Variants in CDK14 observed in about 807,000 individuals in gnomAD.
CDK14 encodes the protein cyclin dependent kinase 14, also known as cyclin-dependent kinase 14.
Under a neutral mutation model 60.7 loss-of-function variants are expected in CDK14, and 34 were observed. The observed-to-expected ratio is 0.56, with a 90% CI of 0.43 to 0.75. The LOEUF (loss-of-function observed/expected upper bound fraction) is 0.75, where lower values mean the gene tolerates loss of function less well. CDK14 is among the 30% of genes least tolerant of loss of function. The probability of loss-of-function intolerance (pLI) is 0.00; values close to 1 mark genes in which losing one functional copy is unlikely to be tolerated. For missense variants in CDK14, 482 were observed against 564.1 expected (o/e 0.85, Z 1.47); for synonymous variants, 197 against 203.7 (o/e 0.97, Z 0.28).
chr7:90,634,138 TTTAA>T (rs1800073812), intron 2 of CDK14, among the ~76,000 whole-genome samples: 1 of 152,128 alleles, frequency 6.6e-6, no homozygotes, highest in Admixed American at 6.6e-5. Context: ...TTTTCTTTTT[TTTAA>T]TTATTATTAT....
chr7:90,697,328 C>A (rs963073473), intron 2 of CDK14, among the ~76,000 whole-genome samples: 1 of 151,988 alleles, frequency 6.6e-6, no homozygotes, highest in Non-Finnish European at 1.5e-5. Flanking sequence ...TGTCATTGAA[C>A]GAGATAGCAC....
intron 2 of CDK14, among the ~76,000 whole-genome samples, chr7:90,715,269 C>T (rs1584814602): frequency 6.6e-6 from 1 of 151,988 alleles, no homozygotes; most frequent in African/African-American, 2.4e-5. Context: ...GTCTTTTGCA[C>T]GGCCTTTGAG....
At chr7:90,971,000 T>C (rs893327119) in intron 9 of CDK14, among the ~76,000 whole-genome samples, 3 of 152,168 alleles carry the variant, frequency 2.0e-5, no homozygotes, top group African/African-American at 7.2e-5. Context: ...TACATATGTA[T>C]ACATGTGCCA....
chr7:90,776,220 G>A lies in CDK14; in HGVS notation c.465-14353G>A, dbSNP rs1190191529. Among the ~76,000 whole-genome samples, 4 of 152,050 alleles carry A rather than the reference G, an allele frequency of 2.6e-5. No homozygotes were observed. The East Asian group carries it at 7.7e-4, about 29-fold the overall frequency. On this transcript the variant is annotated intron_variant, in intron 4 of 14. Coordinates refer to ENST00000380050, the MANE Select transcript of CDK14 (RefSeq NM_001287135.2). ...TCCTTGATAACTTTGCCTTACTTTT[G>A]TTTAGAATTTTTCCTTCTTTCATCA...
chr7:90,837,801 T>C (rs1370148748), intron 5 of CDK14, among the ~76,000 whole-genome samples: 1 of 152,174 alleles, frequency 6.6e-6, no homozygotes, highest in African/African-American at 2.4e-5. Flanking sequence ...GCACCATCTC[T>C]GGTGTGAGGG....
chr7:90,867,498 T>G (rs557823427), intron 6 of CDK14, among the ~76,000 whole-genome samples: 8 of 152,346 alleles, frequency 5.3e-5, no homozygotes, highest in Admixed American at 2.6e-4. Context: ...GCCATTAAGC[T>G]AATAACTGTT....
intron 5 of CDK14, among the ~76,000 whole-genome samples, chr7:90,835,318 C>G (rs764420150): frequency 2.0e-5 from 3 of 151,824 alleles, no homozygotes; most frequent in African/African-American, 7.3e-5. Flanking sequence ...GAGTGGAGAA[C>G]TTGAAGTCAA....
At chr7:91,179,010 C>G (rs1224180841) in intron 14 of CDK14, among the ~76,000 whole-genome samples, 1 of 152,174 alleles carries the variant, frequency 6.6e-6, no homozygotes, top group African/African-American at 2.4e-5. Context: ...ATGCACACAT[C>G]TGTTTATTGC....
chr7:91,135,729 T>C (rs967227490), intron 14 of CDK14, among the ~76,000 whole-genome samples: 4 of 152,178 alleles, frequency 2.6e-5, no homozygotes, highest in African/African-American at 4.8e-5. Context: ...CACTATTGTC[T>C]GTTTGAAGAT....
At chr7:90,657,690 C>A (rs1236722807) in intron 2 of CDK14, among the ~76,000 whole-genome samples, 5 of 152,182 alleles carry the variant, frequency 3.3e-5, no homozygotes, top group Non-Finnish European at 7.3e-5. Flanking sequence ...TTGGACAGCA[C>A]AGCTCAAGTG....
At chr7:90,709,910 T>C (rs1802000005) in intron 2 of CDK14, 1 of 1,218,532 alleles carries the variant, frequency 8.2e-7, no homozygotes, top group Non-Finnish European at 1.0e-6. Flanking sequence ...TAGAGACATG[T>C]TAAAGAGTTC....
intron 8 of CDK14, among the ~76,000 whole-genome samples, chr7:90,952,488 C>G (rs73409560): frequency 0.021 from 3,252 of 152,174 alleles, 109 homozygotes; most frequent in African/African-American, 0.073. Flanking sequence ...AGGATTATCC[C>G]TTTTACTCTG....
At chr7:90,627,206 T>C (rs1799893607) in intron 2 of CDK14, among the ~76,000 whole-genome samples, 1 of 151,968 alleles carries the variant, frequency 6.6e-6, no homozygotes, top group South Asian at 2.1e-4. Context: ...TGGCTACTAT[T>C]GGTCAGCACA....
At chr7:90,780,725 C>T (rs148943465) in intron 4 of CDK14, among the ~76,000 whole-genome samples, 4,542 of 152,100 alleles carry the variant, frequency 0.03, 77 homozygotes, top group South Asian at 0.057. Flanking sequence ...CTACAAAGAA[C>T]ATGAACTCAT....
intron 2 of CDK14, among the ~76,000 whole-genome samples, chr7:90,612,410 G>A (rs1447448948): frequency 6.6e-6 from 1 of 152,096 alleles, no homozygotes; most frequent in African/African-American, 2.4e-5. Flanking sequence ...GCATTTATGG[G>A]TTGACCATCT....
At chr7:90,713,626 A>AC (rs1009775501) in intron 2 of CDK14, among the ~76,000 whole-genome samples, 5 of 139,290 alleles carry the variant, frequency 3.6e-5, no homozygotes, top group African/African-American at 1.1e-4. Flanking sequence ...CTTTGGAAGT[A>AC]CTTTTTTTTT....
intron 14 of CDK14, among the ~76,000 whole-genome samples, chr7:91,146,269 T>G (rs1687046312): frequency 6.6e-6 from 1 of 152,188 alleles, no homozygotes. Flanking sequence ...AGCGCAATAT[T>G]GGCTCACTGC....
At chr7:90,626,145 G>A (rs574097125) in intron 2 of CDK14, among the ~76,000 whole-genome samples, 1 of 152,264 alleles carries the variant, frequency 6.6e-6, no homozygotes, top group Admixed American at 6.5e-5. Context: ...ACTTAGAGGC[G>A]GGAAGGTTTA....
intron 2 of CDK14, among the ~76,000 whole-genome samples, chr7:90,624,152 A>T (rs1458594266): frequency 6.6e-6 from 1 of 152,162 alleles, no homozygotes; most frequent in Admixed American, 6.6e-5. Flanking sequence ...GCTGTTCCCC[A>T]GGCCACAGTC....
Sources: gnomAD v4.1 joint callset for allele counts (sites outside exome capture counted in the v4.1 genomes callset) on GRCh38, gnomAD v4.1.1 for gene constraint, MANE v1.5 for transcripts, NCBI Gene and HGNC (gene_info 2026-07-23, HGNC 2026-07-21) for gene names.